Variants in FAM184B observed in about 807,000 individuals in gnomAD.
FAM184B encodes family with sequence similarity 184 member B, also known as protein FAM184B.
A neutral mutation model predicts 135.9 loss-of-function variants in FAM184B; 111 were observed. The observed-to-expected ratio is 0.82, with a 90% confidence interval of 0.70 to 0.96. The LOEUF (loss-of-function observed/expected upper bound fraction) is 0.96. Among genes scored for constraint, FAM184B ranks in the 40% least tolerant of loss-of-function variants. The pLI is 0.00. For synonymous variants in FAM184B, 552 were observed against 524.8 expected (o/e 1.05, Z -0.71); for missense variants, 1,375 against 1,323.9 (o/e 1.04, Z -0.60).
Position 17,649,508 on chromosome 4 carries a change from C to T in FAM184B, c.2192-1717G>A, listed in dbSNP as rs547147938. ...CTGAGGCAGGAGAATGGTGTGAACC[C>T]GGGTGGTGGGACTTGCAGTGAGCTG... On this transcript the variant is annotated intron_variant, in intron 11 of 17. Transcript: ENST00000265018. Among the ~76,000 whole-genome samples, 11 of 151,440 alleles carry T rather than the reference C, an allele frequency of 7.3e-5. No homozygotes were observed. The East Asian group carries it at 9.7e-4, about 13-fold the overall frequency.
chr4:17,658,067 C>T (rs926500435), intron 10 of FAM184B, among the ~76,000 whole-genome samples: 3 of 152,170 alleles, frequency 2.0e-5, no homozygotes, highest in Non-Finnish European at 2.9e-5. Flanking sequence ...GAAAGCAAGT[C>T]GTTCTTATGC....
intron 14 of FAM184B, among the ~76,000 whole-genome samples, chr4:17,638,519 T>A (rs182136378): frequency 1.3e-5 from 2 of 152,052 alleles, no homozygotes; most frequent in Admixed American, 6.6e-5. Flanking sequence ...TTATTTCTTA[T>A]CCGAATTCTC....
intron 5 of FAM184B, among the ~76,000 whole-genome samples, chr4:17,695,680 G>T (rs1716839893): frequency 7.6e-6 from 1 of 131,748 alleles, no homozygotes; most frequent in Non-Finnish European, 1.8e-5. Context: ...AGGTCAGGAT[G>T]ACACTAGGAG....
At chr4:17,718,960 T>C (rs902230784) in intron 1 of FAM184B, among the ~76,000 whole-genome samples, 1 of 152,230 alleles carries the variant, frequency 6.6e-6, no homozygotes, top group Admixed American at 6.5e-5. Context: ...TGTACAGTAG[T>C]TGTCCCTTAT....
At chr4:17,686,500 T>C (rs1050890450) in intron 7 of FAM184B, among the ~76,000 whole-genome samples, 3 of 152,238 alleles carry the variant, frequency 2.0e-5, no homozygotes, top group Middle Eastern at 3.2e-3. Context: ...ATCCTGGGCA[T>C]GTGCTGCTCT....
chr4:17,670,947 A>G (rs1416212107), intron 7 of FAM184B, among the ~76,000 whole-genome samples: 1 of 152,238 alleles, frequency 6.6e-6, no homozygotes, highest in East Asian at 1.9e-4. Context: ...AATACCAAGT[A>G]TCTGAAAAAC....
intron 2 of FAM184B, 39 bp downstream of exon 2, chr4:17,708,853 T>C: frequency 4.1e-6 from 6 of 1,466,658 alleles, no homozygotes; most frequent in Non-Finnish European, 5.4e-6. Flanking sequence ...GCCCTGCTGA[T>C]TTATCCCTTT....
chr4:17,701,476 T>C (rs1474037507), intron 5 of FAM184B, among the ~76,000 whole-genome samples: 2 of 152,216 alleles, frequency 1.3e-5, no homozygotes, highest in Non-Finnish European at 2.9e-5. Flanking sequence ...TGGAGAGTTG[T>C]CATTCATTTT....
At chr4:17,775,933 A>G (rs777857649) in intron 1 of FAM184B, among the ~76,000 whole-genome samples, 60 of 152,226 alleles carry the variant, frequency 3.9e-4, no homozygotes, top group Non-Finnish European at 6.9e-4. Context: ...CTAAAAGTCC[A>G]GACTTCACTA....
At chr4:17,726,663 C>A (rs1416212947) in intron 1 of FAM184B, among the ~76,000 whole-genome samples, 2 of 152,200 alleles carry the variant, frequency 1.3e-5, no homozygotes, top group African/African-American at 4.8e-5. Context: ...TGAGCCACTG[C>A]GCCTGGCCAA....
intron 1 of FAM184B, among the ~76,000 whole-genome samples, chr4:17,770,441 TTGTTGTTG>T (rs1560197923): frequency 4.5e-4 from 52 of 116,376 alleles, no homozygotes; most frequent in African/African-American, 1.6e-3. Flanking sequence ...GAACTAGTTG[TTGTTGTTG>T]TTGTTGTTGT....
chr4:17,707,017 A>G (rs1439594719), intron 3 of FAM184B, among the ~76,000 whole-genome samples: 1 of 152,186 alleles, frequency 6.6e-6, no homozygotes, highest in African/African-American at 2.4e-5. Flanking sequence ...CGAACTCCTG[A>G]TCTCAGGTTA....
At chr4:17,735,935 G>C (rs758177308) in intron 1 of FAM184B, among the ~76,000 whole-genome samples, 13 of 152,098 alleles carry the variant, frequency 8.5e-5, no homozygotes, top group Non-Finnish European at 1.6e-4. Flanking sequence ...TGGCATAGTT[G>C]GTTTCCTAAA....
At chr4:17,668,687 C>T (rs775165145) in intron 7 of FAM184B, among the ~76,000 whole-genome samples, 3 of 152,298 alleles carry the variant, frequency 2.0e-5, no homozygotes, top group Non-Finnish European at 2.9e-5. Flanking sequence ...CGTGTGACAA[C>T]ACGCCCGGCT....
intron 1 of FAM184B, among the ~76,000 whole-genome samples, chr4:17,733,714 T>A (rs1194110185): frequency 6.6e-6 from 1 of 152,172 alleles, no homozygotes; most frequent in African/African-American, 2.4e-5. Flanking sequence ...TCCATGCTCA[T>A]GGGTAGGAAG....
chr4:17,762,673 C>G (rs1007351962), intron 1 of FAM184B, among the ~76,000 whole-genome samples: 1 of 152,166 alleles, frequency 6.6e-6, no homozygotes, highest in African/African-American at 2.4e-5. Context: ...TTGGATAGAG[C>G]GACAGGAGTG....
chr4:17,696,218 C>T (rs1224726621), intron 5 of FAM184B, among the ~76,000 whole-genome samples: 2 of 152,202 alleles, frequency 1.3e-5, no homozygotes, highest in Non-Finnish European at 2.9e-5. Context: ...AGAGGTTAAA[C>T]GCCTTGCCCA....
chr4:17,774,345 G>A (rs1718878174), intron 1 of FAM184B, among the ~76,000 whole-genome samples: 1 of 152,102 alleles, frequency 6.6e-6, no homozygotes, highest in Non-Finnish European at 1.5e-5. Context: ...TGCATCCTGG[G>A]CAACAGAGCC....
At chr4:17,733,713 A>C (rs1489520033) in intron 1 of FAM184B, among the ~76,000 whole-genome samples, 2 of 152,206 alleles carry the variant, frequency 1.3e-5, no homozygotes. Context: ...TTCCATGCTC[A>C]TGGGTAGGAA....
Sources: gnomAD v4.1 joint callset for allele counts (sites outside exome capture counted in the v4.1 genomes callset) on GRCh38, gnomAD v4.1.1 for gene constraint, MANE v1.5 for transcripts, NCBI Gene and HGNC (gene_info 2026-07-23, HGNC 2026-07-21) for gene names.